Variants in CDH13 observed in about 807,000 individuals in gnomAD.
The protein encoded by CDH13 is cadherin-13.
In CDH13, 24 loss-of-function variants were observed where a neutral mutation model predicts 63.8. The observed-to-expected ratio is 0.38, with a 90% CI of 0.27 to 0.53. The LOEUF is 0.53. Among genes scored for constraint, CDH13 ranks in the 20% least tolerant of loss-of-function variants. The pLI, the probability that CDH13 is intolerant of heterozygous loss-of-function variation, is 0.85. For missense variants in CDH13, 1,049 were observed against 903.1 expected (o/e 1.16, Z -2.07); for synonymous variants, 503 against 355.3 (o/e 1.42, Z -4.67).
chr16:83,370,329 A>G (rs940027578), intron 6 of CDH13, among the ~76,000 whole-genome samples: 4 of 148,728 alleles, frequency 2.7e-5, no homozygotes, highest in Non-Finnish European at 5.9e-5. Context: ...TGGAGCTTGC[A>G]GTGAGCCAAG....
chr16:83,297,837 G>A (rs757774622), intron 5 of CDH13, among the ~76,000 whole-genome samples: 50 of 152,042 alleles, frequency 3.3e-4, no homozygotes, highest in Non-Finnish European at 6.2e-4. Context: ...CTAAATGCCC[G>A]AAACTTTTCA....
At chr16:82,897,109 G>A (rs1192188894) in intron 2 of CDH13, among the ~76,000 whole-genome samples, 1 of 152,056 alleles carries the variant, frequency 6.6e-6, no homozygotes, top group Non-Finnish European at 1.5e-5. Flanking sequence ...AAGAATTCTG[G>A]GAGTGCTGTC....
intron 6 of CDH13, among the ~76,000 whole-genome samples, chr16:83,435,530 C>A (rs78854510): frequency 0.019 from 2,916 of 152,284 alleles, 105 homozygotes; most frequent in East Asian, 0.14. Flanking sequence ...CACTCTGTCT[C>A]ATTCCACTCT....
chr16:82,869,889 AT>A (rs1295095203), intron 2 of CDH13, among the ~76,000 whole-genome samples: 1 of 152,218 alleles, frequency 6.6e-6, no homozygotes, highest in Non-Finnish European at 1.5e-5. Context: ...ACATGAAAAC[AT>A]TGGGGGAAAT....
At chr16:83,144,011 C>G (rs777329990) in intron 4 of CDH13, among the ~76,000 whole-genome samples, 1 of 152,110 alleles carries the variant, frequency 6.6e-6, no homozygotes, top group African/African-American at 2.4e-5. Flanking sequence ...ATAGGTCACA[C>G]TGAAAACCCC....
chr16:83,363,659 A>C (rs1398611600), intron 6 of CDH13, among the ~76,000 whole-genome samples: 1 of 152,198 alleles, frequency 6.6e-6, no homozygotes, highest in African/African-American at 2.4e-5. Context: ...TAGGCATGTC[A>C]GTTTCCAAGA....
chr16:82,745,953 C>T (rs1429286643), intron 1 of CDH13, among the ~76,000 whole-genome samples: 1 of 152,046 alleles, frequency 6.6e-6, no homozygotes, highest in Non-Finnish European at 1.5e-5. Context: ...TTGCCAACTG[C>T]TTTTCAAAAC....
chr16:83,443,618 C>T (rs570620522), intron 6 of CDH13, among the ~76,000 whole-genome samples: 178 of 150,578 alleles, frequency 1.2e-3, no homozygotes, highest in African/African-American at 4.0e-3. Context: ...CACCTGTAAT[C>T]CCAGCACTTA....
intron 7 of CDH13, among the ~76,000 whole-genome samples, chr16:83,560,955 G>T (rs2150687674): frequency 6.6e-6 from 1 of 152,272 alleles, no homozygotes; most frequent in African/African-American, 2.4e-5. Context: ...AAGGGAAAGG[G>T]TATGTCTAGC....
intron 4 of CDH13, among the ~76,000 whole-genome samples, chr16:83,164,114 G>A (rs749423790): frequency 8.6e-5 from 13 of 152,010 alleles, no homozygotes; most frequent in Non-Finnish European, 1.5e-4. Flanking sequence ...TGACTCCAAA[G>A]CCCGTGTGCT....
At chr16:83,559,933 A>C (rs1301429340) in intron 7 of CDH13, among the ~76,000 whole-genome samples, 1 of 152,134 alleles carries the variant, frequency 6.6e-6, no homozygotes, top group East Asian at 1.9e-4. Flanking sequence ...CAGATCAAAC[A>C]GTTGGCCAAT....
chr16:83,321,686 G>A (rs954398624), intron 5 of CDH13, among the ~76,000 whole-genome samples: 4 of 151,874 alleles, frequency 2.6e-5, no homozygotes, highest in African/African-American at 9.7e-5. Context: ...CTGCCACCAT[G>A]CCCAGCTAAT....
chr16:83,598,754 C>G (rs1907505529), intron 7 of CDH13, among the ~76,000 whole-genome samples: 1 of 152,158 alleles, frequency 6.6e-6, no homozygotes, highest in Non-Finnish European at 1.5e-5. Flanking sequence ...ACAACAAACT[C>G]CATCTCTACC....
chr16:83,784,500 C>T (rs1915746151), intron 13 of CDH13, among the ~76,000 whole-genome samples: 1 of 152,070 alleles, frequency 6.6e-6, no homozygotes, highest in Admixed American at 6.5e-5. Flanking sequence ...GCCATGGTGG[C>T]ACATGCCTGT....
chr16:83,164,164 C>T (rs2037562971), intron 4 of CDH13, among the ~76,000 whole-genome samples: 1 of 152,154 alleles, frequency 6.6e-6, no homozygotes. Context: ...GTGCCAGCTT[C>T]AGTGGTTAGT....
chr16:83,238,308 C>G (rs188478253), intron 5 of CDH13, among the ~76,000 whole-genome samples: 82 of 152,198 alleles, frequency 5.4e-4, no homozygotes, highest in African/African-American at 1.7e-3. Context: ...GGAACAAAGG[C>G]ACATCTTACA....
chr16:82,724,081 A>G (rs2032946159), intron 1 of CDH13, among the ~76,000 whole-genome samples: 1 of 152,204 alleles, frequency 6.6e-6, no homozygotes, highest in South Asian at 2.1e-4. Flanking sequence ...TGTGGGTCAC[A>G]GCCTGATCCT....
chr16:83,622,724 T>G lies in CDH13; in HGVS notation c.1101+20130T>G, dbSNP rs543649180. ...TTAAATCTTTTTACATTTATGATAGTCGTTACTGCAGTTTCAGAATCATTA... is the reference window on the plus strand; with the variant it reads ...TTAAATCTTTTTACATTTATGATAGGCGTTACTGCAGTTTCAGAATCATTA... On this transcript the variant is annotated intron_variant, in intron 8 of 13. Transcript: ENST00000567109. 9.2e-5 allele frequency among the ~76,000 whole-genome samples: 14 copies of G among 152,372 alleles called. No individual in the cohort carries two copies. The South Asian group carries it at 2.7e-3, about 29-fold the overall frequency.
At chr16:83,103,622 G>A (rs572265541) in intron 3 of CDH13, among the ~76,000 whole-genome samples, 5 of 152,296 alleles carry the variant, frequency 3.3e-5, no homozygotes, top group Admixed American at 1.3e-4. Flanking sequence ...GGCTCTGAGC[G>A]GAATGGCCTG....
Sources: allele counts gnomAD v4.1 joint callset (sites outside exome capture counted in the v4.1 genomes callset), GRCh38; gene constraint gnomAD v4.1.1; transcripts MANE v1.5; gene names NCBI Gene and HGNC (gene_info 2026-07-23, HGNC 2026-07-21).